FHOD3: variants seen among roughly 807,000 people sequenced by gnomAD.
The protein encoded by FHOD3 is FH1/FH2 domain-containing protein 3.
Under a neutral mutation model 173.0 loss-of-function variants are expected in FHOD3, and 90 were observed. The observed-to-expected ratio is 0.52, with a 90% CI of 0.44 to 0.62. FHOD3 has a LOEUF of 0.62. Among genes scored for constraint, FHOD3 ranks in the 20% least tolerant of loss-of-function variants. The pLI is 0.00. For missense variants in FHOD3, 1,945 were observed against 2,034.7 expected (o/e 0.96, Z 0.85); for synonymous variants, 828 against 823.0 (o/e 1.01, Z -0.10).
intron 14 of FHOD3, among the ~76,000 whole-genome samples, chr18:36,667,964 G>A (rs535645507): frequency 1.3e-5 from 2 of 152,274 alleles, no homozygotes; most frequent in South Asian, 4.1e-4. Flanking sequence ...TTTATGGCAG[G>A]TGGATGTTTA....
chr18:36,619,696 G>A (rs76983521), intron 9 of FHOD3, among the ~76,000 whole-genome samples: 22,067 of 152,258 alleles, frequency 0.14, 1,715 homozygotes, highest in African/African-American at 0.18. Context: ...AGCACATCAG[G>A]CAAGACCACT....
intron 10 of FHOD3, among the ~76,000 whole-genome samples, chr18:36,641,571 T>A (rs2148983659): frequency 6.6e-6 from 1 of 152,282 alleles, no homozygotes; most frequent in South Asian, 2.1e-4. Context: ...CAGTGAGTTG[T>A]TTAGTGTCTC....
chr18:36,496,585 A>G (rs1387677865), intron 3 of FHOD3, among the ~76,000 whole-genome samples: 2 of 152,192 alleles, frequency 1.3e-5, no homozygotes, highest in African/African-American at 4.8e-5. Context: ...TTTAAACCAC[A>G]GTATTGTTCT....
At chr18:36,531,367 T>C (rs1441543491) in intron 5 of FHOD3, among the ~76,000 whole-genome samples, 1 of 152,196 alleles carries the variant, frequency 6.6e-6, no homozygotes, top group Non-Finnish European at 1.5e-5. Flanking sequence ...ACCTTGGCTT[T>C]GCAGTTTGTC....
chr18:36,553,083 G>T (rs1386850307), intron 5 of FHOD3, among the ~76,000 whole-genome samples: 1 of 152,126 alleles, frequency 6.6e-6, no homozygotes, highest in East Asian at 1.9e-4. Flanking sequence ...TAATCATGTG[G>T]TTTTTGTCTT....
chr18:36,548,743 G>A (rs764503247), intron 5 of FHOD3, among the ~76,000 whole-genome samples: 27 of 152,112 alleles, frequency 1.8e-4, no homozygotes, highest in Admixed American at 2.6e-4. Context: ...TTCACACGTC[G>A]CATGGTCTTC....
At chr18:36,544,262 G>A (rs986348545) in intron 5 of FHOD3, among the ~76,000 whole-genome samples, 2 of 152,194 alleles carry the variant, frequency 1.3e-5, no homozygotes, top group African/African-American at 2.4e-5. Context: ...CTCCCCACCC[G>A]ATCTCCCTGA....
chr18:36,609,925 A>G (rs1326645719), intron 8 of FHOD3, among the ~76,000 whole-genome samples: 3 of 152,152 alleles, frequency 2.0e-5, no homozygotes, highest in South Asian at 2.1e-4. Flanking sequence ...GCTTACTTCT[A>G]TAGTTCTCAT....
At chr18:36,403,154 C>T (rs2048906710) in intron 3 of FHOD3, among the ~76,000 whole-genome samples, 1 of 152,124 alleles carries the variant, frequency 6.6e-6, no homozygotes, top group Admixed American at 6.6e-5. Context: ...CCAGGAAAGC[C>T]CCAGAGTAGT....
intron 5 of FHOD3, among the ~76,000 whole-genome samples, chr18:36,550,852 T>C (rs994327446): frequency 3.3e-5 from 5 of 152,206 alleles, no homozygotes; most frequent in African/African-American, 1.2e-4. Context: ...CAGATGATCA[T>C]GTCGTCTGTG....
At chr18:36,450,243 TAA>T (rs1461966581) in intron 3 of FHOD3, among the ~76,000 whole-genome samples, 1 of 152,106 alleles carries the variant, frequency 6.6e-6, no homozygotes, top group African/African-American at 2.4e-5. Flanking sequence ...ATAAAGGAAA[TAA>T]AATTCTACTT....
chr18:36,628,275 G>C (rs574385539), intron 10 of FHOD3, among the ~76,000 whole-genome samples: 59 of 152,212 alleles, frequency 3.9e-4, no homozygotes, highest in African/African-American at 1.4e-3. Context: ...AGGACTAAGG[G>C]CTATGACCAA....
intron 10 of FHOD3, among the ~76,000 whole-genome samples, chr18:36,630,584 T>C (rs1039445054): frequency 1.3e-5 from 2 of 152,152 alleles, no homozygotes; most frequent in African/African-American, 4.8e-5. Flanking sequence ...TAAAACAAGT[T>C]GGCAAGAGAG....
chr18:36,710,989 A>C (rs536562481), intron 18 of FHOD3: 4 of 152,236 alleles, frequency 2.6e-5, no homozygotes, highest in Admixed American at 6.5e-5. Context: ...CTTGGATCAG[A>C]TTGTCCAATA....
At chr18:36,506,250 G>A (rs1006554505) in intron 4 of FHOD3, among the ~76,000 whole-genome samples, 3 of 152,212 alleles carry the variant, frequency 2.0e-5, no homozygotes, top group African/African-American at 7.2e-5. Flanking sequence ...GATCAATGAG[G>A]AATAAGTGTT....
chr18:36,731,321 T>C (rs571251948), intron 20 of FHOD3, among the ~76,000 whole-genome samples: 149 of 152,318 alleles, frequency 9.8e-4, no homozygotes, highest in Non-Finnish European at 1.9e-3. Flanking sequence ...GTGGCATGGC[T>C]GTGACCGCAC....
chr18:36,325,257 T>C (rs2044612499), intron 1 of FHOD3, among the ~76,000 whole-genome samples: 1 of 151,958 alleles, frequency 6.6e-6, no homozygotes, highest in South Asian at 2.1e-4. Flanking sequence ...GGTAGTTATA[T>C]GGATGTGCTC....
intron 20 of FHOD3, among the ~76,000 whole-genome samples, chr18:36,734,585 C>T (rs764548590): frequency 2.0e-5 from 3 of 152,120 alleles, no homozygotes; most frequent in Non-Finnish European, 2.9e-5. Flanking sequence ...TCTCAGGCAT[C>T]ACCTACTATC....
At chr18:36,464,845 C>G (rs549708059) in intron 3 of FHOD3, among the ~76,000 whole-genome samples, 5 of 152,192 alleles carry the variant, frequency 3.3e-5, no homozygotes, top group Admixed American at 2.0e-4. Context: ...TGTCTCTCCC[C>G]CCTCTTTCTT....
Sources: allele counts gnomAD v4.1 joint callset (sites outside exome capture counted in the v4.1 genomes callset), GRCh38; gene constraint gnomAD v4.1.1; transcripts MANE v1.5; gene names NCBI Gene and HGNC (gene_info 2026-07-23, HGNC 2026-07-21).